Variants in RBM20 observed in about 807,000 individuals in gnomAD.
RBM20 encodes the protein RNA binding motif protein 20.
A neutral mutation model predicts 110.1 loss-of-function variants in RBM20; 51 were observed. That is an observed-to-expected ratio of 0.46 (90% CI 0.37 to 0.59). The LOEUF (loss-of-function observed/expected upper bound fraction) is 0.59, where lower values mean the gene tolerates loss of function less well. RBM20 is among the 20% of genes least tolerant of loss of function. The pLI is 0.00. For synonymous variants in RBM20, 589 were observed against 618.2 expected (o/e 0.95, Z 0.70); for missense variants, 1,512 against 1,574.9 (o/e 0.96, Z 0.68).
chr10:110,801,532 A>AGTTTT (rs992521042), intron 7 of RBM20, among the ~76,000 whole-genome samples: 37 of 151,592 alleles, frequency 2.4e-4, no homozygotes, highest in African/African-American at 8.5e-4. Flanking sequence ...GGTTTATCAC[A>AGTTTT]GTTTTGTTTT....
Position 110,737,177 on chromosome 10 carries a change from C to CAAAAAAAAAAA in RBM20, c.192-43614_192-43604dup, listed in dbSNP as rs550138775. ...GGGCAAGAAGAGTGAAACTCTGCCT[C>CAAAAAAAAAAA]AAAAAAAAAAAAAAAAAAAACACCC... is the stretch of plus-strand genomic sequence containing the variant. On this transcript the variant is annotated intron_variant, in intron 1 of 13. Coordinates refer to ENST00000369519, the MANE Select transcript of RBM20 (RefSeq NM_001134363.3). Among the ~76,000 whole-genome samples the CAAAAAAAAAAA allele has an allele frequency of 1.2e-3, 33 of 26,614 alleles. 2 individuals carry two copies. Among genetic ancestry groups the CAAAAAAAAAAA allele is most frequent in the African/African-American group, 4.1e-3 (23 of 5,586 alleles). The allele number at this position is 26,614 out of a possible 152,430, so 17.5% of individuals were successfully genotyped here.
At chr10:110,794,186 T>C (rs1313140224) in intron 5 of RBM20, among the ~76,000 whole-genome samples, 3 of 152,222 alleles carry the variant, frequency 2.0e-5, no homozygotes, top group African/African-American at 7.2e-5. Flanking sequence ...TAAAGTGTAA[T>C]GAGAATAGAA....
At chr10:110,672,650 G>T (rs1392833245) in intron 1 of RBM20, among the ~76,000 whole-genome samples, 3 of 152,252 alleles carry the variant, frequency 2.0e-5, no homozygotes, top group African/African-American at 7.2e-5. Context: ...CAGACCTGGG[G>T]TGGGCACAGC....
Position 110,821,697 on chromosome 10 carries a change from G to C in RBM20, c.3078G>C (p.Glu1026Asp). ...CCCTGGAGGATTCAGATTGCTACGA[G>C]AAGGAGGCAAAGGGAGTGGAGAGCT... is the stretch of plus-strand genomic sequence containing the variant. Reference protein sequence around the residue: ...GLSLEDSDCYEKEAKGVESSD... With the variant: ...GLSLEDSDCYDKEAKGVESSD... The change falls in exon 11 of 14, where the codon GAG (glutamate) becomes GAC (aspartate). Residue 1026 changes from glutamate to aspartate, a missense_variant. This residue lies in a region of RBM20 where 358 missense variants were observed against 384.2 expected (regional missense o/e 0.93). Transcript: ENST00000369519. 6.4e-7 allele frequency: 1 copy of C among 1,551,812 alleles called. No homozygotes were observed. Among genetic ancestry groups the C allele is most frequent in the Non-Finnish European group, 8.7e-7 (1 of 1,147,012 alleles).
chr10:110,736,470 AC>A (rs1424423067), intron 1 of RBM20, among the ~76,000 whole-genome samples: 1 of 152,176 alleles, frequency 6.6e-6, no homozygotes, highest in African/African-American at 2.4e-5. Context: ...GTCATTGAAT[AC>A]TTATCCTGTT....
chr10:110,810,461 A>G lies in RBM20; in HGVS notation c.1879A>G (p.Arg627Gly), dbSNP rs1844750575. 1 of 1,550,556 alleles carries G rather than the reference A, an allele frequency of 6.4e-7. No individual in the cohort carries two copies. The highest frequency in any genetic ancestry group is 8.7e-7 in the Non-Finnish European group (1 of 1,146,106). The stretch of plus-strand genomic sequence containing the variant: ...GAGGGACATGTTCCGGGAAGCAGAC[A>G]GGTGAGGCCCCAAGCCCCAAGTCTC... ...RERDMFREAD[R>G]YGPERPRSRS... Residue 627 changes from arginine (R) to glycine (G), a missense_variant and splice_region_variant, in exon 8 of 14, where the codon AGA becomes GGA. By Grantham distance (125) the Arg-to-Gly change is moderately radical. This residue lies in a region of RBM20 where 1,149 missense variants were observed against 1,169.4 expected (regional missense o/e 0.98). Transcript: ENST00000369519.
At chr10:110,669,148 G>T (rs767223355) in intron 1 of RBM20, among the ~76,000 whole-genome samples, 4 of 152,176 alleles carry the variant, frequency 2.6e-5, no homozygotes, top group Non-Finnish European at 4.4e-5. Context: ...CCATGATGGA[G>T]AATAAGCAGA....
chr10:110,797,416 T>C, intron 5 of RBM20, 92 bp from the exon 6 acceptor site: 1 of 1,253,980 alleles, frequency 8.0e-7, no homozygotes, highest in Non-Finnish European at 1.1e-6. Context: ...ACAATCATTG[T>C]TTAGGGGAAA....
intron 5 of RBM20, 79 bp from the exon 6 acceptor site, chr10:110,797,429 T>C: frequency 2.2e-6 from 3 of 1,335,978 alleles, no homozygotes; most frequent in Admixed American, 5.7e-5. Flanking sequence ...AGGGGAAAGA[T>C]AGCCATTAAG....
At chr10:110,708,967 A>G (rs1229894579) in intron 1 of RBM20, among the ~76,000 whole-genome samples, 2 of 152,214 alleles carry the variant, frequency 1.3e-5, no homozygotes, top group Middle Eastern at 3.2e-3. Flanking sequence ...CAATTTCACG[A>G]GGCAGTGATG....
At chr10:110,790,958 A>C (rs1282104740) in intron 5 of RBM20, among the ~76,000 whole-genome samples, 1 of 152,176 alleles carries the variant, frequency 6.6e-6, no homozygotes, top group Non-Finnish European at 1.5e-5. Context: ...GTGACTCTAC[A>C]GTTTCCAGGG....
At chr10:110,656,230 A>T (rs1261879663) in intron 1 of RBM20, among the ~76,000 whole-genome samples, 1 of 152,136 alleles carries the variant, frequency 6.6e-6, no homozygotes, top group Non-Finnish European at 1.5e-5. Flanking sequence ...TGAACTCGGG[A>T]GGCAGAGGTT....
At chr10:110,752,945 A>ATTTTTTTTT (rs71492062) in intron 1 of RBM20, among the ~76,000 whole-genome samples, 1 of 109,014 alleles carries the variant, frequency 9.2e-6, no homozygotes, top group Non-Finnish European at 1.7e-5. Context: ...ATATATATAT[A>ATTTTTTTTT]TTTTTTTTTT....
chr10:110,822,087 GC>G (rs1232934548), intron 11 of RBM20, among the ~76,000 whole-genome samples, 152 bp downstream of exon 11: 2 of 152,252 alleles, frequency 1.3e-5, no homozygotes, highest in African/African-American at 4.8e-5. Flanking sequence ...ACAAAGGCAA[GC>G]CTCTAAAAGC....
intron 1 of RBM20, among the ~76,000 whole-genome samples, chr10:110,700,260 A>ACAAG (rs1020006757): frequency 6.6e-6 from 1 of 152,246 alleles, no homozygotes. Context: ...TGAACACCAG[A>ACAAG]CAAGGTTGGC....
chr10:110,737,006 C>A (rs1843677544), intron 1 of RBM20, among the ~76,000 whole-genome samples: 1 of 151,562 alleles, frequency 6.6e-6, no homozygotes, highest in Admixed American at 6.6e-5. Flanking sequence ...GAAACCCCAT[C>A]TCTACTAAAA....
intron 1 of RBM20, among the ~76,000 whole-genome samples, chr10:110,687,816 T>C (rs1862525990): frequency 6.6e-6 from 1 of 152,222 alleles, no homozygotes; most frequent in Non-Finnish European, 1.5e-5. Context: ...ATTGCTGCTT[T>C]TTTAAAAATG....
intron 1 of RBM20, among the ~76,000 whole-genome samples, chr10:110,665,744 TTTGA>T (rs1862166176): frequency 2.0e-5 from 3 of 152,312 alleles, no homozygotes; most frequent in Admixed American, 1.3e-4. Flanking sequence ...GTATTATTTA[TTTGA>T]TTATGTGAAC....
intron 1 of RBM20, among the ~76,000 whole-genome samples, chr10:110,661,493 A>G (rs1862101656): frequency 6.6e-6 from 1 of 152,200 alleles, no homozygotes; most frequent in Admixed American, 6.5e-5. Context: ...GTGTCCAGCA[A>G]TAGGGGATTC....
Sources: allele counts gnomAD v4.1 joint callset (sites outside exome capture counted in the v4.1 genomes callset), GRCh38; gene constraint gnomAD v4.1.1; regional missense constraint gnomAD v4.1.1; transcripts MANE v1.5; gene names NCBI Gene and HGNC (gene_info 2026-07-23, HGNC 2026-07-21).